Variants in DCC observed in about 807,000 individuals in gnomAD.
DCC encodes the protein netrin receptor DCC.
A neutral mutation model predicts 172.5 loss-of-function variants in DCC; 58 were observed. The ratio of observed to expected loss-of-function variants is 0.34; its 90% CI spans 0.27 to 0.42. The LOEUF (loss-of-function observed/expected upper bound fraction) is 0.42. DCC is among the 10% of genes least tolerant of loss of function. DCC has a pLI of 1.00. For missense variants in DCC, 1,740 were observed against 1,791.0 expected (o/e 0.97, Z 0.51); for synonymous variants, 709 against 644.5 (o/e 1.10, Z -1.52).
intron 14 of DCC, among the ~76,000 whole-genome samples, chr18:53,324,104 A>G (rs930683972): frequency 3.3e-5 from 5 of 152,224 alleles, no homozygotes; most frequent in African/African-American, 1.2e-4. Context: ...AAGCATGCAC[A>G]CACAAAAAAG....
At chr18:52,520,376 AC>A (rs1343250303) in intron 1 of DCC, among the ~76,000 whole-genome samples, 1 of 152,158 alleles carries the variant, frequency 6.6e-6, no homozygotes, top group Non-Finnish European at 1.5e-5. Context: ...TACCTAATCA[AC>A]ATTGTCTCCT....
intron 1 of DCC, among the ~76,000 whole-genome samples, chr18:52,445,404 G>A (rs1988091487): frequency 6.6e-6 from 1 of 152,032 alleles, no homozygotes; most frequent in Non-Finnish European, 1.5e-5. Context: ...TTATTTACCT[G>A]TCTCTTCATA....
intron 7 of DCC, among the ~76,000 whole-genome samples, chr18:53,098,968 C>T (rs759656157): frequency 4.6e-5 from 7 of 151,990 alleles, no homozygotes; most frequent in African/African-American, 9.7e-5. Context: ...GCTGTGATGG[C>T]GCCATGCTCC....
intron 5 of DCC, among the ~76,000 whole-genome samples, chr18:53,019,250 G>A (rs1161502974): frequency 2.6e-5 from 4 of 152,076 alleles, no homozygotes; most frequent in Non-Finnish European, 5.9e-5. Context: ...TCTGATAATT[G>A]ATATCAAGGC....
intron 5 of DCC, among the ~76,000 whole-genome samples, chr18:52,948,991 G>T (rs2040593466): frequency 6.6e-6 from 1 of 152,214 alleles, no homozygotes; most frequent in Admixed American, 6.5e-5. Context: ...CTCCAGTCAT[G>T]CCATGCTTCC....
chr18:53,264,948 G>A (rs1020285431), intron 12 of DCC, among the ~76,000 whole-genome samples: 1 of 152,060 alleles, frequency 6.6e-6, no homozygotes, highest in African/African-American at 2.4e-5. Context: ...TTTGCTTTTG[G>A]ACTTCTTGTT....
intron 26 of DCC, among the ~76,000 whole-genome samples, chr18:53,488,097 T>C: frequency 6.6e-6 from 1 of 152,360 alleles, no homozygotes; most frequent in African/African-American, 2.4e-5. Flanking sequence ...ATTTCTTGTA[T>C]ATTCTCTGAC....
intron 1 of DCC, among the ~76,000 whole-genome samples, chr18:52,550,931 C>T (rs961263534): frequency 1.3e-5 from 2 of 151,652 alleles, no homozygotes; most frequent in African/African-American, 2.4e-5. Context: ...TATTATTTTA[C>T]TATTTTTAAA....
intron 1 of DCC, among the ~76,000 whole-genome samples, chr18:52,673,735 A>T (rs11659471): frequency 6.6e-6 from 1 of 152,072 alleles, no homozygotes; most frequent in East Asian, 1.9e-4. Flanking sequence ...TTTAGATCAC[A>T]TCGCTAATGT....
chr18:53,460,110 C>G (rs1295287448), intron 24 of DCC, among the ~76,000 whole-genome samples: 1 of 127,866 alleles, frequency 7.8e-6, no homozygotes, highest in Admixed American at 7.9e-5. Flanking sequence ...AGAACAATCA[C>G]TGGTGTCCAG....
intron 2 of DCC, among the ~76,000 whole-genome samples, chr18:52,875,327 G>T (rs986547315): frequency 1.3e-5 from 2 of 151,614 alleles, no homozygotes; most frequent in Non-Finnish European, 2.9e-5. Context: ...CTTCTCTAAT[G>T]TATTGCTGCA....
intron 1 of DCC, among the ~76,000 whole-genome samples, chr18:52,722,769 T>C (rs1754885023): frequency 6.6e-6 from 1 of 152,156 alleles, no homozygotes; most frequent in South Asian, 2.1e-4. Flanking sequence ...GGGTCTCCTT[T>C]CACCACCATT....
chr18:53,019,481 G>A (rs1376036562), intron 5 of DCC, among the ~76,000 whole-genome samples: 1 of 151,948 alleles, frequency 6.6e-6, no homozygotes, highest in Non-Finnish European at 1.5e-5. Context: ...CCCAATCCAG[G>A]CAAACTTTTT....
chr18:53,251,641 TTACA>T (rs1178900528), intron 12 of DCC, among the ~76,000 whole-genome samples: 4 of 152,052 alleles, frequency 2.6e-5, no homozygotes, highest in South Asian at 2.1e-4. Context: ...TTTTAAAAAG[TTACA>T]TACAGCACTA....
At chr18:53,441,647 C>T (rs1172793634) in intron 22 of DCC, among the ~76,000 whole-genome samples, 1 of 152,096 alleles carries the variant, frequency 6.6e-6, no homozygotes. Flanking sequence ...TACTTTCAAA[C>T]TGTATTGTGT....
At chr18:52,438,035 G>T (rs1482242270) in intron 1 of DCC, among the ~76,000 whole-genome samples, 1 of 152,138 alleles carries the variant, frequency 6.6e-6, no homozygotes, top group Non-Finnish European at 1.5e-5. Flanking sequence ...AAGGCTTTCA[G>T]GTAGAACAGC....
chr18:52,400,989 T>C (rs1040559471), intron 1 of DCC, among the ~76,000 whole-genome samples: 1 of 152,042 alleles, frequency 6.6e-6, no homozygotes, highest in African/African-American at 2.4e-5. Context: ...AAATACCTAA[T>C]GTAGATGATG....
chr18:53,307,087 CTTGT>C (rs1404197296), intron 13 of DCC, among the ~76,000 whole-genome samples: 1 of 152,110 alleles, frequency 6.6e-6, no homozygotes, highest in East Asian at 1.9e-4. Context: ...TTGAAAGTAA[CTTGT>C]TTATTTATTT....
chr18:53,404,709 C>A (rs566641189), intron 19 of DCC, among the ~76,000 whole-genome samples: 13 of 148,828 alleles, frequency 8.7e-5, no homozygotes, highest in East Asian at 3.9e-4. Flanking sequence ...CCAGCCTGGG[C>A]GACAGAGTAA....
Sources: gnomAD v4.1 joint callset for allele counts (sites outside exome capture counted in the v4.1 genomes callset) on GRCh38, gnomAD v4.1.1 for gene constraint, MANE v1.5 for transcripts, NCBI Gene and HGNC (gene_info 2026-07-23, HGNC 2026-07-21) for gene names.